Variants in TMEM63A observed in about 807,000 individuals in gnomAD.
The protein encoded by TMEM63A is mechanosensitive cation channel TMEM63A.
Under a neutral mutation model 100.6 loss-of-function variants are expected in TMEM63A, and 76 were observed. The observed-to-expected ratio is 0.76, with a 90% CI of 0.63 to 0.91. The LOEUF (loss-of-function observed/expected upper bound fraction) is 0.91, where lower values mean the gene tolerates loss of function less well. Among genes scored for constraint, TMEM63A ranks in the 40% least tolerant of loss-of-function variants. TMEM63A has a pLI of 0.00. For missense variants in TMEM63A, 876 were observed against 1,008.8 expected (o/e 0.87, Z 1.78); for synonymous variants, 401 against 401.1 (o/e 1.00, Z 0.00).
chr1:225,881,425 C>T (rs535125041), intron 1 of TMEM63A, among the ~76,000 whole-genome samples: 1 of 152,362 alleles, frequency 6.6e-6, no homozygotes, highest in East Asian at 1.9e-4. Context: ...TTTAAGTCGC[C>T]CCTCCAGCTA....
At position 225,862,685 on chromosome 1, in the gene TMEM63A, A is replaced by G. The variant is rs1670004636; in HGVS notation, c.827+86T>C. ...AACGCCAGGGGAGAAGGAGGGGTCC[A>G]GGGCCTCCCGCCTCCCTTCCTAGCT... On this transcript the variant is annotated intron_variant, in intron 11 of 24. Transcript: ENST00000366835. The surrounding 1 kb of genome is among the most constrained non-coding windows in gnomAD (Gnocchi z 5.1). The G allele has an allele frequency of 6.2e-7, 1 of 1,607,990 alleles. No individual in the cohort carries two copies. The highest frequency in any genetic ancestry group is 8.5e-7 in the Non-Finnish European group (1 of 1,176,772).
chr1:225,856,227 C>A (rs566316664), intron 17 of TMEM63A, among the ~76,000 whole-genome samples: 1 of 151,626 alleles, frequency 6.6e-6, no homozygotes, highest in Non-Finnish European at 1.5e-5. Flanking sequence ...ACTGCCCAGG[C>A]TGGAACTCCT....
chr1:225,843,500 C>T (rs1668613789), downstream of TMEM63A, among the ~76,000 whole-genome samples: 1 of 152,166 alleles, frequency 6.6e-6, no homozygotes, highest in African/African-American at 2.4e-5. Context: ...CTACATTCAG[C>T]AGGACACAGG....
At position 225,862,254 on chromosome 1, in the gene TMEM63A, G is replaced by T. The variant is rs1379588540; in HGVS notation, c.1049C>A (p.Ala350Asp). 3.1e-6 allele frequency: 5 copies of T among 1,614,176 alleles called. No homozygotes were observed. The South Asian group carries it at 5.5e-5, about 18-fold the overall frequency. ...RHVQDQPLGMAFVTFQEKSMA... is the reference protein window; with the variant it reads ...RHVQDQPLGMDFVTFQEKSMA... ...GGACTTCTCCTGGAAGGTGACGAAG[G>T]CCATTCCCAGGGGCTGGTCCTGGAC... is the stretch of plus-strand genomic sequence containing the variant. The change falls in exon 13 of 25, where the codon GCC becomes GAC. Residue 350 changes from alanine to aspartate, a missense_variant. Around this residue, in one of 5 missense-constraint regions of TMEM63A, gnomAD observed 487 missense variants for 581.9 expected, o/e 0.84. Coordinates refer to ENST00000366835, the MANE Select transcript of TMEM63A (RefSeq NM_014698.3). The surrounding 1 kb of genome is among the most constrained non-coding windows in gnomAD (Gnocchi z 5.1).
In TMEM63A at chr1:225,862,372, T is replaced by C. The variant is rs368688472; in HGVS notation, c.952-21A>G. The C allele has an allele frequency of 1.3e-5, 21 of 1,614,152 alleles. No homozygotes were observed. In the South Asian group the frequency reaches 2.0e-4, roughly 15 times the overall value. On this transcript the variant is annotated intron_variant, in intron 12 of 24. Coordinates refer to ENST00000366835, the MANE Select transcript of TMEM63A (RefSeq NM_014698.3). The surrounding 1 kb of genome is among the most constrained non-coding windows in gnomAD (Gnocchi z 5.1). The stretch of plus-strand genomic sequence containing the variant: ...TCTTCCTGCCACAAGACACATCCCA[T>C]TGGGATGACGTGGCCCCATGCTGGT...
rs184619392 is a variant in TMEM63A, at chr1:225,857,067, C to T, written c.1378-50G>A. 4.2e-3 allele frequency: 6,083 copies of T among 1,461,696 alleles called. 20 individuals carry two copies. The highest frequency in any genetic ancestry group is 4.7e-3 in the Non-Finnish European group (5,174 of 1,095,050). The allele number at this position is 1,461,696 out of a possible 1,614,324, so 90.5% of individuals were successfully genotyped here. A position where few individuals can be genotyped will look rare whatever the true frequency, so the allele number is the denominator to read the frequency against. On this transcript the variant is annotated intron_variant, in intron 15 of 24. Coordinates refer to ENST00000366835, the MANE Select transcript of TMEM63A (RefSeq NM_014698.3). ...AGAGTCACAGGGGCCGTGGGCCACG[C>T]GGCTCTGAGGCCATGACCTATTGGT... is the stretch of plus-strand genomic sequence containing the variant.
chr1:225,859,343 G>T lies in TMEM63A; in HGVS notation c.1230C>A (p.Asn410Lys). 1.2e-6 allele frequency: 2 copies of T among 1,613,934 alleles called. No individual in the cohort carries two copies. The highest frequency in any genetic ancestry group is 1.7e-5 in the Admixed American group (1 of 60,020). The stretch of plus-strand genomic sequence containing the variant: ...ACCAGCGGAGGCCCTGGATAGAGAG[G>T]TTCTTCCTGCAGCGGGAGAGGGGAT... ...AADPEDICWK[N>K]LSIQGLRWWL... Residue 410 changes from asparagine (N) to lysine (K), a missense_variant, in exon 15 of 25, where the codon AAC becomes AAA. By Grantham distance (94) the Asn-to-Lys change is moderately conservative. Around this residue, in one of 5 missense-constraint regions of TMEM63A, gnomAD observed 487 missense variants for 581.9 expected, o/e 0.84. Coordinates refer to ENST00000366835, the MANE Select transcript of TMEM63A (RefSeq NM_014698.3).
downstream of TMEM63A, chr1:225,844,593 G>A (rs1204026066): frequency 3.7e-6 from 6 of 1,614,140 alleles, no homozygotes; most frequent in Non-Finnish European, 5.1e-6. Context: ...GAGAACCTGG[G>A]ACAGGGCTGG....
At chr1:225,852,611 A>C (rs1669402852) in intron 20 of TMEM63A, 53 bp downstream of exon 20, 33 of 1,570,128 alleles carry the variant, frequency 2.1e-5, no homozygotes, top group Non-Finnish European at 2.9e-5. Context: ...GGTTTGGTGC[A>C]ATCAGCCGTC....
At position 225,846,496 on chromosome 1, in the gene TMEM63A, G is replaced by A. The variant is rs1668996532; in HGVS notation, c.*443C>T. On this transcript the variant is annotated 3_prime_UTR_variant, in exon 25 of 25. Coordinates refer to ENST00000366835, the MANE Select transcript of TMEM63A (RefSeq NM_014698.3). ...ATAGCTTACTCCTGGATGTAGCCTGGAGGGACTGCTGGGCTGGGGAGGGAC... is the reference window on the plus strand; with the variant it reads ...ATAGCTTACTCCTGGATGTAGCCTGAAGGGACTGCTGGGCTGGGGAGGGAC... 1 of 153,368 alleles carries A rather than the reference G, an allele frequency of 6.5e-6. No homozygotes were observed. The highest frequency in any genetic ancestry group is 2.4e-5 in the African/African-American group (1 of 41,488). 9.5% of individuals were successfully genotyped at this position (153,368 alleles called of 1,614,324 possible). A position where few individuals can be genotyped will look rare whatever the true frequency, so the allele number is the denominator to read the frequency against.
chr1:225,879,812 G>T (rs1037140491), intron 1 of TMEM63A, among the ~76,000 whole-genome samples: 1 of 152,200 alleles, frequency 6.6e-6, no homozygotes, highest in East Asian at 1.9e-4. Flanking sequence ...GGCTCCCCAG[G>T]GTTCCCCAAG....
chr1:225,877,768 TC>T, intron 2 of TMEM63A, 174 bp from the exon 3 acceptor site: 1 of 586,556 alleles, frequency 1.7e-6, no homozygotes, highest in Non-Finnish European at 3.0e-6. Flanking sequence ...CCTGGCAGTG[TC>T]CACAGAGAAT....
intron 4 of TMEM63A, among the ~76,000 whole-genome samples, chr1:225,872,968 A>AT (rs1670595171): frequency 6.6e-6 from 1 of 152,150 alleles, no homozygotes; most frequent in Admixed American, 6.6e-5. Context: ...TGCTGGGATT[A>AT]TAGGTGTGAG....
intron 5 of TMEM63A, chr1:225,871,711 G>A: frequency 2.4e-6 from 1 of 421,398 alleles, no homozygotes; most frequent in Non-Finnish European, 4.2e-6. Context: ...ATAATTAACT[G>A]TCATACAAAG....
chr1:225,860,507 C>CTGT (rs1344848156), intron 14 of TMEM63A: 1 of 179,780 alleles, frequency 5.6e-6, no homozygotes, highest in Non-Finnish European at 1.1e-5. Context: ...TCAAAAATTG[C>CTGT]ATGTTGAAAT....
intron 13 of TMEM63A, chr1:225,861,249 C>T: frequency 6.0e-6 from 2 of 331,024 alleles, no homozygotes; most frequent in East Asian, 1.1e-4. Flanking sequence ...AAACTGAGGG[C>T]AACACACTGC....
In TMEM63A at chr1:225,848,565, C is replaced by T. The variant is rs1669142478; in HGVS notation, c.2188-11G>A. 1 of 1,613,964 alleles carries T rather than the reference C, an allele frequency of 6.2e-7. No individual in the cohort carries two copies. The highest frequency in any genetic ancestry group is 1.3e-5 in the African/African-American group (1 of 75,046). Reference sequence around the variant, plus strand: ...TGCAGGCTCTTCTGTCTGCAGATAACAGCAAAAACTTGCGATGATAAACAA... The same window carrying T: ...TGCAGGCTCTTCTGTCTGCAGATAATAGCAAAAACTTGCGATGATAAACAA... On this transcript the variant is annotated splice_polypyrimidine_tract_variant and intron_variant, in intron 22 of 24. Transcript: ENST00000366835.
At chr1:225,841,321 T>C, downstream of TMEM63A, 1 of 152,372 alleles carries the variant, frequency 6.6e-6, no homozygotes, top group South Asian at 2.1e-4. Context: ...CTGGCTCTGT[T>C]GCCCAGGGTA....
chr1:225,845,748 C>T lies in TMEM63A; in HGVS notation c.*1191G>A, dbSNP rs533776856. The stretch of plus-strand genomic sequence containing the variant: ...CCCACCCCTCCCAGCGCAGGGGCAG[C>T]TTGGAGCAGAGGCAGCACTGGCCAC... On this transcript the variant is annotated 3_prime_UTR_variant, in exon 25 of 25. Coordinates refer to ENST00000366835, the MANE Select transcript of TMEM63A (RefSeq NM_014698.3). The T allele has an allele frequency of 3.6e-5, 12 of 329,452 alleles. No individual in the cohort carries two copies. The highest frequency in any genetic ancestry group is 2.9e-5 in the South Asian group (1 of 34,494). The allele number at this position is 329,452 out of a possible 1,614,324, so 20.4% of individuals were successfully genotyped here.
Sources: allele counts gnomAD v4.1 joint callset (sites outside exome capture counted in the v4.1 genomes callset), GRCh38; gene constraint gnomAD v4.1.1; regional missense constraint gnomAD v4.1.1; non-coding constraint Gnocchi (gnomAD v3.1); transcripts MANE v1.5; gene names NCBI Gene and HGNC (gene_info 2026-07-23, HGNC 2026-07-21).